Variants in XRCC1 observed in about 807,000 individuals in gnomAD.
XRCC1 encodes X-ray repair cross complementing 1.
A neutral mutation model predicts 83.3 loss-of-function variants in XRCC1; 52 were observed. The observed-to-expected ratio is 0.62, with a 90% CI of 0.50 to 0.79. The LOEUF (loss-of-function observed/expected upper bound fraction) is 0.79, where lower values mean the gene tolerates loss of function less well. Among genes scored for constraint, XRCC1 ranks in the 30% least tolerant of loss-of-function variants. The probability of loss-of-function intolerance (pLI) is 0.00; values close to 1 mark genes in which losing one functional copy is unlikely to be tolerated. For synonymous variants in XRCC1, 281 were observed against 312.6 expected (o/e 0.90, Z 1.07); for missense variants, 793 against 823.5 (o/e 0.96, Z 0.45).
chr19:43,554,522 T>C, intron 4 of XRCC1, 124 bp downstream of exon 4: 1 of 1,249,782 alleles, frequency 8.0e-7, no homozygotes, highest in Non-Finnish European at 1.1e-6. Context: ...GGACCCAGCC[T>C]CCCCATAATC....
Position 43,554,764 on chromosome 19 carries a change from C to T in XRCC1, c.296G>A (p.Ser99Asn), listed in dbSNP as rs1311967359. The T allele has an allele frequency of 2.5e-6, 4 of 1,613,708 alleles. No homozygotes were observed. In the East Asian group the frequency reaches 8.9e-5, roughly 36 times the overall value. Reference sequence around the variant, plus strand: ...GCGGTTGGGGTTTGAGCCACTGCGGCTCTCGGAAGGGGACATGAAAGATGA... The same window carrying T: ...GCGGTTGGGGTTTGAGCCACTGCGGTTCTCGGAAGGGGACATGAAAGATGA... ...VTSSFMSPSE[S>N]RSGSNPNRVR... Residue 99 changes from serine (S) to asparagine (N), a missense_variant, in exon 4 of 17, where the codon AGC becomes AAC. By Grantham distance (46) the Ser-to-Asn change is conservative. Transcript: ENST00000262887.
chr19:43,567,979 A>G (rs548449708), intron 2 of XRCC1, among the ~76,000 whole-genome samples: 3 of 150,884 alleles, frequency 2.0e-5, no homozygotes, highest in African/African-American at 7.3e-5. Flanking sequence ...GGTTCAAACA[A>G]TTCTCCTGCC....
intron 2 of XRCC1, among the ~76,000 whole-genome samples, chr19:43,564,237 G>A (rs1427430342): frequency 6.6e-6 from 1 of 152,190 alleles, no homozygotes; most frequent in Non-Finnish European, 1.5e-5. Context: ...CCCAATGGAT[G>A]TACAGACAGA....
At chr19:43,557,792 CAAAAAAAAAAAAAAAAAAA>C (rs35267441) in intron 3 of XRCC1, among the ~76,000 whole-genome samples, 6 of 41,016 alleles carry the variant, frequency 1.5e-4, no homozygotes, top group African/African-American at 4.9e-4. Flanking sequence ...AATTCCATCT[CAAAAAAAAAAAAAAAAAAA>C]AAAAAAAAGG....
At chr19:43,543,794 C>T (rs1010578725) in intron 15 of XRCC1, 107 bp from the exon 16 acceptor site, 17 of 1,047,042 alleles carry the variant, frequency 1.6e-5, no homozygotes, top group Non-Finnish European at 2.3e-5. Flanking sequence ...CCCACCTATG[C>T]GCCTCTAGGT....
chr19:43,553,624 T>A lies in XRCC1; in HGVS notation c.474A>T (p.Ala158=), dbSNP rs2307168. Residue 158 remains alanine, a synonymous_variant, in exon 5 of 17, where the codon GCA becomes GCT. Transcript: ENST00000262887. ...RFHSPPDKDE[A]EAPSQKVTVT... ...TACAGCTTACCTGGGACGGGGCCTC[T>A]GCCTCATCTTTGTCTGGGGGGCTAT... The A allele has an allele frequency of 7.6e-5, 119 of 1,572,616 alleles. No individual in the cohort carries two copies. The African/African-American group carries it at 1.4e-3, about 19-fold the overall frequency.
intron 15 of XRCC1, 87 bp from the exon 16 acceptor site, chr19:43,543,774 C>G (rs1239050812): frequency 8.0e-7 from 1 of 1,245,602 alleles, no homozygotes; most frequent in East Asian, 2.3e-5. Context: ...ATGGCTGTCC[C>G]CACACTGTCC....
rs2146049136 is a variant in XRCC1, at chr19:43,551,653, C to T, written c.1117G>A (p.Val373Ile). ...ACGATGCGGCCTCCCAGGCCTAGGA[C>T]CTGGCTGTACTTGGGGGTGTTGGCA... is the stretch of plus-strand genomic sequence containing the variant. ...AFANTPKYSQ[V>I]LGLGGRIVRK... The change falls in exon 10 of 17, where the codon GTC (valine) becomes ATC (isoleucine). Residue 373 changes from valine (V) to isoleucine (I), a missense_variant. Coordinates refer to ENST00000262887, the MANE Select transcript of XRCC1 (RefSeq NM_006297.3). The T allele has an allele frequency of 6.2e-7, 1 of 1,614,162 alleles. No individual in the cohort carries two copies. Among genetic ancestry groups the T allele is most frequent in the East Asian group, 2.2e-5 (1 of 44,876 alleles).
At chr19:43,570,602 A>G (rs1188885971) in intron 2 of XRCC1, among the ~76,000 whole-genome samples, 2 of 152,170 alleles carry the variant, frequency 1.3e-5, no homozygotes, top group African/African-American at 4.8e-5. Context: ...TGGGCAACAT[A>G]GTGAGACCCC....
chr19:43,545,991 G>A (rs1972504786), intron 13 of XRCC1, 34 bp from the exon 14 acceptor site: 2 of 1,613,674 alleles, frequency 1.2e-6, no homozygotes, highest in Non-Finnish European at 1.7e-6. Flanking sequence ...GAGTGAGCAT[G>A]CAGAGCAGCC....
intron 8 of XRCC1, among the ~76,000 whole-genome samples, 159 bp from the exon 9 acceptor site, chr19:43,552,434 C>A (rs1329856556): frequency 6.7e-6 from 1 of 148,874 alleles, no homozygotes; most frequent in African/African-American, 2.5e-5. Context: ...GTCCAGGCCC[C>A]CAGCCCCTCC....
At chr19:43,570,224 T>C (rs948699590) in intron 2 of XRCC1, among the ~76,000 whole-genome samples, 2 of 152,222 alleles carry the variant, frequency 1.3e-5, no homozygotes, top group African/African-American at 4.8e-5. Flanking sequence ...CTGATGAACA[T>C]TTCTTCTAAA....
At chr19:43,558,828 T>C (rs1021925365) in intron 3 of XRCC1, among the ~76,000 whole-genome samples, 1 of 150,512 alleles carries the variant, frequency 6.6e-6, no homozygotes, top group African/African-American at 2.5e-5. Context: ...AAAAGGCAAG[T>C]CTTTTTTTTT....
In XRCC1 at chr19:43,552,067, C is replaced by T. The variant is rs369440040; in HGVS notation, c.1032G>A (p.Glu344=). The T allele has an allele frequency of 2.1e-5, 34 of 1,613,972 alleles. No homozygotes were observed. The highest frequency in any genetic ancestry group is 1.6e-4 in the Middle Eastern group (1 of 6,084). The part of the protein sequence containing the change: ...FRSELRDKAL[E]LGAKYRPDWT... ...AGTCTGGCCGATACTTGGCCCCAAG[C>T]TCTAGGGCCTTATCTCGCAGCTCGG... The change falls in exon 9 of 17, where the codon GAG becomes GAA. Residue 344 remains glutamate (E), a synonymous_variant. Transcript: ENST00000262887.
intron 10 of XRCC1, among the ~76,000 whole-genome samples, chr19:43,548,883 T>C (rs984006951): frequency 2.6e-5 from 4 of 151,936 alleles, no homozygotes; most frequent in African/African-American, 7.3e-5. Context: ...AGGTCCTATT[T>C]TTGGCCCCAT....
At chr19:43,560,786 G>C (rs1325501495) in intron 3 of XRCC1, 124 bp downstream of exon 3, 3 of 766,914 alleles carry the variant, frequency 3.9e-6, no homozygotes, top group Admixed American at 1.9e-5. Context: ...ATCCTCCAGA[G>C]GGCAGCAATC....
intron 15 of XRCC1, 80 bp from the exon 16 acceptor site, chr19:43,543,767 GCTGTCCCCACA>G (rs1202584031): frequency 7.4e-7 from 1 of 1,359,234 alleles, no homozygotes; most frequent in Non-Finnish European, 1.0e-6. Context: ...ACTCTCAATG[GCTGTCCCCACA>G]CTGTCCCCAC....
intron 3 of XRCC1, among the ~76,000 whole-genome samples, chr19:43,557,521 A>G (rs1213570424): frequency 6.6e-6 from 1 of 152,022 alleles, no homozygotes; most frequent in Non-Finnish European, 1.5e-5. Flanking sequence ...ACAGAAGGGA[A>G]GTTTTCTTCC....
chr19:43,547,006 C>T, intron 10 of XRCC1, 29 bp from the exon 11 acceptor site: 2 of 1,608,974 alleles, frequency 1.2e-6, no homozygotes, highest in Non-Finnish European at 1.7e-6. Flanking sequence ...CTCAGACAAA[C>T]AGGCCCAAGG....
Sources: gnomAD v4.1 joint callset for allele counts (sites outside exome capture counted in the v4.1 genomes callset) on GRCh38, gnomAD v4.1.1 for gene constraint, MANE v1.5 for transcripts, NCBI Gene and HGNC (gene_info 2026-07-23, HGNC 2026-07-21) for gene names.